The following SLC44A5 variants were observed in gnomAD, a reference collection of about 807,000 sequenced individuals.
The protein encoded by SLC44A5 is solute carrier family 44 member 5.
In SLC44A5, 57 loss-of-function variants were observed where a neutral mutation model predicts 101.8. The ratio of observed to expected loss-of-function variants is 0.56; its 90% confidence interval spans 0.45 to 0.70. The LOEUF is 0.70. SLC44A5 is among the 30% of genes least tolerant of loss of function. The pLI is 0.00. For synonymous variants in SLC44A5, 281 were observed against 290.9 expected (o/e 0.97, Z 0.35); for missense variants, 737 against 853.1 (o/e 0.86, Z 1.70).
At chr1:75,473,494 G>T (rs1160883025) in intron 2 of SLC44A5, among the ~76,000 whole-genome samples, 1 of 152,150 alleles carries the variant, frequency 6.6e-6, no homozygotes, top group Non-Finnish European at 1.5e-5. Context: ...GGTAGGCGAT[G>T]GGGTTTTGTT....
chr1:75,205,482 C>T (rs900851559), intron 23 of SLC44A5: 7 of 152,172 alleles, frequency 4.6e-5, no homozygotes, highest in African/African-American at 1.4e-4. Flanking sequence ...CTGATTCATG[C>T]TTTGTTCTGC....
intron 3 of SLC44A5, among the ~76,000 whole-genome samples, chr1:75,386,955 G>T (rs1661401813): frequency 6.6e-6 from 1 of 151,848 alleles, no homozygotes; most frequent in South Asian, 2.1e-4. Flanking sequence ...AACAAGCAAT[G>T]GGGAAAGGAT....
intron 6 of SLC44A5, among the ~76,000 whole-genome samples, chr1:75,256,363 C>G (rs1274646569): frequency 6.6e-6 from 1 of 152,004 alleles, no homozygotes; most frequent in Admixed American, 6.6e-5. Context: ...TGAAGGCTAT[C>G]CAAGAAAAAC....
At chr1:75,635,315 A>G in the SLC44A5 span, among the ~76,000 whole-genome samples, 28 of 151,936 alleles carry the variant, frequency 1.8e-4, no homozygotes, top group African/African-American at 6.5e-4. Flanking sequence ...CTGGGTATAT[A>G]CCCAAAGGAC....
intron 3 of SLC44A5, among the ~76,000 whole-genome samples, chr1:75,341,368 G>A (rs565968259): frequency 6.6e-6 from 1 of 152,242 alleles, no homozygotes. Flanking sequence ...TGTAGTCCTA[G>A]CTATTCCAAA....
At chr1:75,243,108 GC>G (rs1648796273) in intron 7 of SLC44A5, 97 bp from the exon 8 acceptor site, 1 of 1,343,250 alleles carries the variant, frequency 7.4e-7, no homozygotes, top group African/African-American at 1.5e-5. Context: ...ATAACAAAAA[GC>G]AATGCACTGT....
At chr1:75,635,694 T>C in the SLC44A5 span, among the ~76,000 whole-genome samples, 1 of 149,114 alleles carries the variant, frequency 6.7e-6, no homozygotes, top group Non-Finnish European at 1.5e-5. Context: ...CATTAGGAGA[T>C]ACACCTAATG....
chr1:75,306,151 T>C (rs1159080025), intron 4 of SLC44A5, among the ~76,000 whole-genome samples: 1 of 152,234 alleles, frequency 6.6e-6, no homozygotes, highest in Non-Finnish European at 1.5e-5. Flanking sequence ...TATATGTATA[T>C]CGTCTAAGGC....
rs545833874 is a variant in SLC44A5, at chr1:75,340,249, C to T, written c.53-619G>A. ...TGCATTATGATTGTGATATATTACC[C>T]TTTTCTTTAAACAGTGAAAGTACAT... On this transcript the variant is annotated intron_variant, in intron 3 of 23. Coordinates refer to ENST00000370859, the MANE Select transcript of SLC44A5 (RefSeq NM_001130058.2). Among the ~76,000 whole-genome samples, 4 of 152,260 alleles carry T rather than the reference C, an allele frequency of 2.6e-5. No homozygotes were observed. In the East Asian group the frequency reaches 7.7e-4, roughly 29 times the overall value.
Position 75,582,024 on chromosome 1 carries a change from T to A in SLC44A5, c.-70+29016A>T, listed in dbSNP as rs887922821. On this transcript the variant is annotated intron_variant, in intron 1 of 23. Coordinates refer to ENST00000370859, the MANE Select transcript of SLC44A5 (RefSeq NM_001130058.2). ...ACAGTAATGCAAACAGACCAAGATA[T>A]CCAGTTATATACAAAAGGATACTGA... is the stretch of plus-strand genomic sequence containing the variant. 4 of 603,598 alleles carry A rather than the reference T, an allele frequency of 6.6e-6. No homozygotes were observed. The African/African-American group carries it at 7.5e-5, about 11-fold the overall frequency. 37.4% of individuals were successfully genotyped at this position (603,598 alleles called of 1,614,324 possible). A position where few individuals can be genotyped will look rare whatever the true frequency, so the allele number is the denominator to read the frequency against.
chr1:75,318,296 G>A (rs1378369213), intron 4 of SLC44A5, among the ~76,000 whole-genome samples: 2 of 151,964 alleles, frequency 1.3e-5, no homozygotes, highest in African/African-American at 4.8e-5. Flanking sequence ...AGGATTGCTT[G>A]AGTTGAAGCG....
chr1:75,266,156 T>C (rs1218063887), intron 6 of SLC44A5, among the ~76,000 whole-genome samples: 1 of 152,134 alleles, frequency 6.6e-6, no homozygotes, highest in African/African-American at 2.4e-5. Context: ...ACATGGACTT[T>C]AGGCTCGGTT....
intron 6 of SLC44A5, among the ~76,000 whole-genome samples, chr1:75,272,885 G>A (rs1318279215): frequency 1.3e-5 from 2 of 151,944 alleles, no homozygotes; most frequent in Non-Finnish European, 2.9e-5. Flanking sequence ...TTTTTATTCC[G>A]TATGAATTTT....
chr1:75,335,403 T>C (rs1557675395), intron 4 of SLC44A5, among the ~76,000 whole-genome samples: 1 of 152,176 alleles, frequency 6.6e-6, no homozygotes, highest in East Asian at 1.9e-4. Context: ...ACCAGTTCAT[T>C]CCTCCCTGTA....
intron 1 of SLC44A5, among the ~76,000 whole-genome samples, chr1:75,545,606 C>T (rs28791509): frequency 6.6e-6 from 1 of 152,118 alleles, no homozygotes. Flanking sequence ...CTCAGTAAGG[C>T]GGCATTGGTC....
intron 2 of SLC44A5, among the ~76,000 whole-genome samples, chr1:75,509,922 T>C (rs982392727): frequency 6.6e-6 from 1 of 151,832 alleles, no homozygotes; most frequent in African/African-American, 2.4e-5. Context: ...AAGGAAAGAG[T>C]TTAATTGACT....
At chr1:75,541,670 C>T (rs1671361414) in intron 1 of SLC44A5, among the ~76,000 whole-genome samples, 154 bp from the exon 2 acceptor site, 1 of 152,168 alleles carries the variant, frequency 6.6e-6, no homozygotes, top group Non-Finnish European at 1.5e-5. Context: ...ACATAAAATA[C>T]CGCAGATATT....
chr1:75,450,390 G>C (rs1012224769), intron 2 of SLC44A5, among the ~76,000 whole-genome samples: 7 of 152,154 alleles, frequency 4.6e-5, no homozygotes, highest in Admixed American at 4.6e-4. Context: ...TTTTAATCTG[G>C]TCACATACAA....
At chr1:75,259,394 A>G (rs1232918248) in intron 6 of SLC44A5, among the ~76,000 whole-genome samples, 5 of 152,222 alleles carry the variant, frequency 3.3e-5, no homozygotes, top group African/African-American at 9.7e-5. Flanking sequence ...CACAAGTATC[A>G]ATAGCAGAAT....
Sources: allele counts gnomAD v4.1 joint callset (sites outside exome capture counted in the v4.1 genomes callset), GRCh38; gene constraint gnomAD v4.1.1; transcripts MANE v1.5; gene names NCBI Gene and HGNC (gene_info 2026-07-23, HGNC 2026-07-21).